Variants in KCNMA1 observed in about 807,000 individuals in gnomAD.
KCNMA1 encodes Calcium-activated potassium channel subunit alpha-1.
In KCNMA1, 29 loss-of-function variants were observed where a neutral mutation model predicts 140.0. The ratio of observed to expected loss-of-function variants is 0.21; its 90% CI spans 0.15 to 0.28. The LOEUF is 0.28. KCNMA1 is among the 10% of genes least tolerant of loss of function. KCNMA1 has a pLI of 1.00. For missense variants in KCNMA1, 880 were observed against 1,602.2 expected, an observed-to-expected ratio of 0.55 and a Z score of 7.70; for synonymous variants, 612 against 611.9, an observed-to-expected ratio of 1.00 and a Z score of 0.00.
chr10:77,018,155 A>G (rs1275857762), intron 17 of KCNMA1, among the ~76,000 whole-genome samples: 5 of 152,210 alleles, frequency 3.3e-5, no homozygotes, highest in African/African-American at 9.6e-5. Context: ...AAGAGCAGCA[A>G]TAAAGAATGT....
At chr10:77,268,205 C>T (rs996232598) in intron 2 of KCNMA1, among the ~76,000 whole-genome samples, 1 of 152,190 alleles carries the variant, frequency 6.6e-6, no homozygotes, top group East Asian at 1.9e-4. Flanking sequence ...TGAGAATCTG[C>T]AGTGCTCCTG....
At chr10:77,309,035 CA>C (rs2078576644) in intron 2 of KCNMA1, among the ~76,000 whole-genome samples, 1 of 152,186 alleles carries the variant, frequency 6.6e-6, no homozygotes, top group Non-Finnish European at 1.5e-5. Context: ...TTCCCTTACC[CA>C]AAGGAGCCCG....
At chr10:77,098,589 A>G (rs913981827) in intron 9 of KCNMA1, among the ~76,000 whole-genome samples, 1 of 151,194 alleles carries the variant, frequency 6.6e-6, no homozygotes, top group African/African-American at 2.4e-5. Context: ...AAAAAAAAAC[A>G]AAAAACTTTT....
At chr10:77,502,197 G>A (rs558609091) in intron 1 of KCNMA1, among the ~76,000 whole-genome samples, 1 of 152,308 alleles carries the variant, frequency 6.6e-6, no homozygotes, top group African/African-American at 2.4e-5. Flanking sequence ...AAAAAGTCAC[G>A]AAGTTTCTTC....
chr10:76,975,269 T>C (rs922022619), intron 19 of KCNMA1: 2 of 152,206 alleles, frequency 1.3e-5, no homozygotes, highest in African/African-American at 4.8e-5. Context: ...CTCTCTGATA[T>C]GACTGTTTAA....
At chr10:76,913,785 T>G in intron 24 of KCNMA1, 5 of 402,320 alleles carry the variant, frequency 1.2e-5, no homozygotes, top group South Asian at 1.1e-4. Flanking sequence ...CCAGAGAAAA[T>G]GAATTAGAGC....
At chr10:77,051,062 T>A (rs574498382) in intron 14 of KCNMA1, among the ~76,000 whole-genome samples, 14 of 152,118 alleles carry the variant, frequency 9.2e-5, no homozygotes, top group African/African-American at 2.7e-4. Flanking sequence ...AGCAATATCA[T>A]GACTATATTG....
At chr10:77,267,321 C>A (rs188204297) in intron 2 of KCNMA1, among the ~76,000 whole-genome samples, 107 of 152,276 alleles carry the variant, frequency 7.0e-4, no homozygotes, top group African/African-American at 2.6e-3. Flanking sequence ...AAGGAAGAGG[C>A]ATCTCCATTC....
At chr10:77,464,103 C>G (rs1392798302) in intron 1 of KCNMA1, among the ~76,000 whole-genome samples, 1 of 152,192 alleles carries the variant, frequency 6.6e-6, no homozygotes, top group Non-Finnish European at 1.5e-5. Context: ...GATTAGGAGT[C>G]AAAATCCCTG....
intron 3 of KCNMA1, among the ~76,000 whole-genome samples, chr10:77,187,443 C>A (rs982824395): frequency 3.9e-5 from 6 of 152,156 alleles, no homozygotes; most frequent in Non-Finnish European, 8.8e-5. Flanking sequence ...TTACAGGAAA[C>A]CATGTTGAAG....
At chr10:76,883,723 T>G (rs77366094), downstream of KCNMA1, among the ~76,000 whole-genome samples, 9 of 57,490 alleles carry the variant, frequency 1.6e-4, no homozygotes, top group African/African-American at 7.5e-4. Flanking sequence ...ACTTCCTTGT[T>G]TTTTTTTTTT....
chr10:77,318,933 C>G (rs1026049925), intron 2 of KCNMA1, among the ~76,000 whole-genome samples: 1 of 152,142 alleles, frequency 6.6e-6, no homozygotes, highest in African/African-American at 2.4e-5. Flanking sequence ...GCTGCTGGCC[C>G]GCTGCAAGCC....
chr10:77,062,417 C>T (rs932427698), intron 14 of KCNMA1, among the ~76,000 whole-genome samples: 3 of 152,216 alleles, frequency 2.0e-5, no homozygotes, highest in African/African-American at 7.2e-5. Context: ...TCTCACTCCC[C>T]TTTACAGACA....
At chr10:76,874,030 T>C (rs1340952908), downstream of KCNMA1, 2 of 150,382 alleles carry the variant, frequency 1.3e-5, no homozygotes, top group African/African-American at 4.9e-5. Flanking sequence ...GGCATAGAGA[T>C]GAAGGGATTA....
At chr10:77,073,443 T>G (rs1261775387) in intron 13 of KCNMA1, among the ~76,000 whole-genome samples, 191 bp from the exon 14 acceptor site, 3 of 152,212 alleles carry the variant, frequency 2.0e-5, no homozygotes, top group Non-Finnish European at 4.4e-5. Flanking sequence ...CTCTCTGGAC[T>G]GTTGCTTCTG....
intron 23 of KCNMA1, among the ~76,000 whole-genome samples, chr10:76,926,959 T>A (rs1267602754): frequency 6.6e-6 from 1 of 152,194 alleles, no homozygotes; most frequent in Non-Finnish European, 1.5e-5. Context: ...CTGCATCCTT[T>A]CCATTTGCTA....
intron 9 of KCNMA1, chr10:77,090,806 C>A: frequency 2.1e-6 from 1 of 483,574 alleles, no homozygotes; most frequent in Non-Finnish European, 3.8e-6. Context: ...CAATAAGTGA[C>A]ATTATGCTTG....
chr10:77,188,746 G>C (rs1360389296), intron 3 of KCNMA1, among the ~76,000 whole-genome samples: 1 of 152,134 alleles, frequency 6.6e-6, no homozygotes, highest in East Asian at 1.9e-4. Context: ...AAAGACTCTT[G>C]AGCAGGATGA....
At chr10:76,895,907 C>T in intron 25 of KCNMA1, among the ~76,000 whole-genome samples, 1 of 152,062 alleles carries the variant, frequency 6.6e-6, no homozygotes, top group South Asian at 2.1e-4. Context: ...GTGTGGGTCA[C>T]AGAGATCACA....
Sources: gnomAD v4.1 joint callset for allele counts (sites outside exome capture counted in the v4.1 genomes callset) on GRCh38, gnomAD v4.1.1 for gene constraint, MANE v1.5 for transcripts, NCBI Gene and HGNC (gene_info 2026-07-23, HGNC 2026-07-21) for gene names.